SPAG17: variants seen among roughly 807,000 people sequenced by gnomAD.
SPAG17 encodes sperm associated antigen 17.
In SPAG17, 169 loss-of-function variants were observed where a neutral mutation model predicts 273.6. The ratio of observed to expected loss-of-function variants is 0.62; its 90% confidence interval spans 0.55 to 0.70. The LOEUF (loss-of-function observed/expected upper bound fraction) is 0.70, where lower values mean the gene tolerates loss of function less well. SPAG17 is among the 30% of genes least tolerant of loss of function. SPAG17 has a pLI of 0.00. For missense variants in SPAG17, 2,557 were observed against 2,627.8 expected (o/e 0.97, Z 0.59); for synonymous variants, 825 against 873.2 (o/e 0.94, Z 0.97).
rs143270064 is a variant in SPAG17, at chr1:118,159,704, G to A, written c.88-8335C>T. Among the ~76,000 whole-genome samples the A allele has an allele frequency of 3.0e-4, 46 of 152,124 alleles. No individual in the cohort carries two copies. The East Asian group carries it at 7.4e-3, about 24-fold the overall frequency. On this transcript the variant is annotated intron_variant, in intron 1 of 48. Transcript: ENST00000336338. ...TAGGCTGTTTGATTGTTTTTCTTTC[G>A]TTTTTCACAGAGTTCTTGGCCCATC...
intron 26 of SPAG17, 102 bp from the exon 27 acceptor site, chr1:118,025,518 T>A: frequency 1.0e-6 from 1 of 956,028 alleles, no homozygotes; most frequent in Non-Finnish European, 1.5e-6. Context: ...TTCTTTATTT[T>A]AAAAATAGAG....
chr1:118,146,044 T>C lies in SPAG17; in HGVS notation c.315+4499A>G, dbSNP rs893610530. Among the ~76,000 whole-genome samples the C allele has an allele frequency of 2.0e-5, 3 of 152,292 alleles. 1 individual carries two copies. The highest frequency in any genetic ancestry group is 2.4e-5 in the African/African-American group (1 of 41,578). On this transcript the variant is annotated intron_variant, in intron 3 of 48. Transcript: ENST00000336338. The stretch of plus-strand genomic sequence containing the variant: ...CACCATCATGAAATGAAAAGAAACA[T>C]GAAGTGGAATTTAAAAACTTTTAGG...
At chr1:118,061,798 TA>T in intron 18 of SPAG17, among the ~76,000 whole-genome samples, 1 of 152,186 alleles carries the variant, frequency 6.6e-6, no homozygotes, top group South Asian at 2.1e-4. Flanking sequence ...TCAATAAAGC[TA>T]AAAAATACTT....
intron 31 of SPAG17, among the ~76,000 whole-genome samples, chr1:118,006,743 G>GAAA (rs1430936491): frequency 1.1e-3 from 166 of 152,244 alleles, no homozygotes; most frequent in Admixed American, 5.6e-3. Context: ...ATTTCTGAGG[G>GAAA]TTCCAATTTC....
intron 44 of SPAG17, 68 bp from the exon 45 acceptor site, chr1:117,972,115 C>T (rs2101516019): frequency 7.7e-7 from 1 of 1,293,222 alleles, no homozygotes; most frequent in Non-Finnish European, 1.1e-6. Context: ...AAAAAAAAGT[C>T]CCTGTCACCA....
intron 15 of SPAG17, 132 bp from the exon 16 acceptor site, chr1:118,074,732 T>G (rs1270790431): frequency 2.6e-6 from 2 of 763,384 alleles, no homozygotes; most frequent in Non-Finnish European, 4.4e-6. Context: ...AAAGGCATGT[T>G]TTGTGCCTCC....
chr1:117,973,904 G>C (rs77592718), intron 43 of SPAG17, among the ~76,000 whole-genome samples: 7,848 of 152,124 alleles, frequency 0.052, 434 homozygotes, highest in South Asian at 0.13. Flanking sequence ...AGCTCCTACT[G>C]AAGTGAGAAC....
At chr1:117,987,909 GA>G (rs755752442) in intron 39 of SPAG17, 28 bp from the exon 40 acceptor site, 5 of 1,612,284 alleles carry the variant, frequency 3.1e-6, no homozygotes, top group Non-Finnish European at 4.2e-6. Flanking sequence ...AAAGTATGGT[GA>G]AAAGGGGCAA....
chr1:118,073,657 A>G (rs1653825431), intron 17 of SPAG17, among the ~76,000 whole-genome samples, 197 bp downstream of exon 17: 2 of 152,196 alleles, frequency 1.3e-5, no homozygotes, highest in South Asian at 2.1e-4. Context: ...TTCATAAAGT[A>G]TATTTTAAAC....
At chr1:117,968,317 T>G (rs1654133297) in intron 46 of SPAG17, among the ~76,000 whole-genome samples, 1 of 152,204 alleles carries the variant, frequency 6.6e-6, no homozygotes. Flanking sequence ...CCTATAAAAG[T>G]TGATCCAACA....
At chr1:118,125,726 T>C (rs1169613381) in intron 3 of SPAG17, among the ~76,000 whole-genome samples, 8 of 152,264 alleles carry the variant, frequency 5.3e-5, no homozygotes, top group Non-Finnish European at 1.0e-4. Context: ...TATGGCAGAA[T>C]ACTATTCCAT....
At chr1:118,094,496 A>G (rs568040746) in intron 7 of SPAG17, among the ~76,000 whole-genome samples, 10 of 152,332 alleles carry the variant, frequency 6.6e-5, no homozygotes, top group African/African-American at 2.4e-4. Flanking sequence ...GTTTGCAGCC[A>G]AAGGTTGGAA....
At chr1:118,076,484 C>G (rs1019993326) in intron 15 of SPAG17, 3 of 152,106 alleles carry the variant, frequency 2.0e-5, no homozygotes, top group Non-Finnish European at 2.9e-5. Context: ...AACTATAACT[C>G]TAAATAGACC....
At chr1:118,002,299 G>T (rs555890742) in intron 32 of SPAG17, among the ~76,000 whole-genome samples, 2 of 152,318 alleles carry the variant, frequency 1.3e-5, no homozygotes, top group South Asian at 4.1e-4. Flanking sequence ...TGTATATTCT[G>T]TTGATTTGGG....
intron 6 of SPAG17, among the ~76,000 whole-genome samples, chr1:118,098,963 A>T (rs556411529): frequency 6.6e-6 from 1 of 152,296 alleles, no homozygotes; most frequent in East Asian, 1.9e-4. Context: ...GGCAGAAAAA[A>T]CTTGGGCATC....
At chr1:118,151,170 T>C in intron 2 of SPAG17, 59 bp downstream of exon 2, 1 of 1,347,368 alleles carries the variant, frequency 7.4e-7, no homozygotes, top group South Asian at 2.1e-5. Context: ...TATAATTCTA[T>C]TCTATTATTT....
rs114820218 is a variant in SPAG17 at position 118,022,591 on chromosome 1, G to A, written c.4069+713C>T. 7.1e-3 allele frequency among the ~76,000 whole-genome samples: 1,079 copies of A among 152,262 alleles called. 11 individuals are homozygous for A. The highest frequency in any genetic ancestry group is 0.025 in the African/African-American group (1,024 of 41,580). ...ATGAGGAAGTAGACATTTTCATGTG[G>A]TAGTGGTAGGGGTATACATTGAAAA... On this transcript the variant is annotated intron_variant, in intron 28 of 48. Transcript: ENST00000336338.
intron 3 of SPAG17, among the ~76,000 whole-genome samples, chr1:118,131,347 C>G (rs1658042420): frequency 6.6e-6 from 1 of 152,122 alleles, no homozygotes; most frequent in Non-Finnish European, 1.5e-5. Context: ...CCACATAGCT[C>G]CATCCCCTCC....
In SPAG17 at chr1:118,055,794, T is replaced by C. The variant is rs1286041724; in HGVS notation, c.2661A>G (p.Lys887=). The stretch of plus-strand genomic sequence containing the variant: ...AAGTAAGTTTGGCATTAGCAGAAGA[T>C]TTCAATTCCAGCTCAGCTCTGGTCC... ...IIRTRAELEL[K]SSANAKLTSA... is the part of the protein sequence containing the mutation. Residue 887 remains lysine (K), a synonymous_variant, in exon 19 of 49, where the codon AAA becomes AAG. Coordinates refer to ENST00000336338, the MANE Select transcript of SPAG17 (RefSeq NM_206996.4). 3 of 1,613,248 alleles carry C rather than the reference T, an allele frequency of 1.9e-6. No individual in the cohort carries two copies. Among genetic ancestry groups the C allele is most frequent in the East Asian group, 2.2e-5 (1 of 44,768 alleles).
Sources: allele counts gnomAD v4.1 joint callset (sites outside exome capture counted in the v4.1 genomes callset), GRCh38; gene constraint gnomAD v4.1.1; transcripts MANE v1.5; gene names NCBI Gene and HGNC (gene_info 2026-07-23, HGNC 2026-07-21).